The following ZEB1 variants were observed in gnomAD, a reference collection of about 807,000 sequenced individuals.
ZEB1 encodes zinc finger E-box-binding homeobox 1.
In ZEB1, 21 loss-of-function variants were observed where a neutral mutation model predicts 84.9. The ratio of observed to expected loss-of-function variants is 0.25; its 90% confidence interval spans 0.18 to 0.36. The LOEUF is 0.36. Ranked by LOEUF, ZEB1 falls within the 10% of genes least tolerant of loss-of-function variation. The pLI, the probability that ZEB1 is intolerant of heterozygous loss-of-function variation, is 1.00. For synonymous variants in ZEB1, 420 were observed against 471.1 expected (o/e 0.89, Z 1.41); for missense variants, 1,104 against 1,330.2 (o/e 0.83, Z 2.65).
At chr10:31,473,705 A>C (rs1246120162) in intron 2 of ZEB1, among the ~76,000 whole-genome samples, 1 of 149,866 alleles carries the variant, frequency 6.7e-6, no homozygotes, top group African/African-American at 2.5e-5. Flanking sequence ...ATTGGAAAAA[A>C]CTACTTTAAA....
chr10:31,426,929 C>A (rs1214185105), intron 1 of ZEB1, among the ~76,000 whole-genome samples: 2 of 151,436 alleles, frequency 1.3e-5, no homozygotes, highest in Admixed American at 1.3e-4. Flanking sequence ...GAATTGTATA[C>A]CTCTTCCCAT....
chr10:31,392,409 G>A (rs1354680015), intron 1 of ZEB1, among the ~76,000 whole-genome samples: 1 of 152,086 alleles, frequency 6.6e-6, no homozygotes, highest in African/African-American at 2.4e-5. Flanking sequence ...GACAGTTTTA[G>A]GTTCTGAACC....
chr10:31,390,851 C>G (rs1272265135), intron 1 of ZEB1, among the ~76,000 whole-genome samples: 3 of 152,158 alleles, frequency 2.0e-5, no homozygotes, highest in African/African-American at 7.2e-5. Context: ...AGAGGAACAT[C>G]TTTCCGTTTT....
chr10:31,339,364 TGAGA>T (rs372457278), intron 1 of ZEB1, among the ~76,000 whole-genome samples: 10 of 152,202 alleles, frequency 6.6e-5, no homozygotes, highest in Admixed American at 2.6e-4. Flanking sequence ...GAGAATCTTC[TGAGA>T]GAGAGTATTT....
At chr10:31,353,723 G>A (rs1357063963) in intron 1 of ZEB1, among the ~76,000 whole-genome samples, 1 of 152,132 alleles carries the variant, frequency 6.6e-6, no homozygotes, top group Non-Finnish European at 1.5e-5. Flanking sequence ...ACAGTCAAAG[G>A]TTTGATTATG....
Position 31,521,009 on chromosome 10 carries a change from T to G in ZEB1, c.1677T>G (p.Pro559=), listed in dbSNP as rs1238774349. The change falls in exon 7 of 9, where the codon CCT becomes CCG. Residue 559 remains proline, a synonymous_variant. Transcript: ENST00000424869. Reference sequence around the variant, plus strand: ...ATGACCTAAAGCAGCCTACTCAGCCTCCTCCACTCCCTGCAGCAGAAGCTG... The same window carrying G: ...ATGACCTAAAGCAGCCTACTCAGCCGCCTCCACTCCCTGCAGCAGAAGCTG... ...KHYDLKQPTQ[P]PPLPAAEAEK... 6.2e-7 allele frequency: 1 copy of G among 1,614,062 alleles called. No homozygotes were observed. Among genetic ancestry groups the G allele is most frequent in the South Asian group, 1.1e-5 (1 of 91,078 alleles).
At chr10:31,405,495 T>A (rs1444302455) in intron 1 of ZEB1, among the ~76,000 whole-genome samples, 1 of 152,182 alleles carries the variant, frequency 6.6e-6, no homozygotes, top group Non-Finnish European at 1.5e-5. Context: ...TATTTAGTAA[T>A]TATTCTTTCC....
chr10:31,450,860 A>T (rs946495752), intron 1 of ZEB1, among the ~76,000 whole-genome samples: 9 of 144,074 alleles, frequency 6.2e-5, no homozygotes, highest in African/African-American at 2.4e-4. Flanking sequence ...TGCATATTTT[A>T]TTTAGGACTG....
intron 2 of ZEB1, among the ~76,000 whole-genome samples, chr10:31,472,762 G>T (rs999153881): frequency 1.1e-4 from 16 of 140,060 alleles, no homozygotes; most frequent in Non-Finnish European, 2.0e-4. Context: ...CCAAAAAAGA[G>T]AATTTTAGAC....
chr10:31,467,023 C>T (rs2062519572), intron 2 of ZEB1, among the ~76,000 whole-genome samples: 2 of 152,088 alleles, frequency 1.3e-5, no homozygotes, highest in South Asian at 4.2e-4. Flanking sequence ...TGAGAGAAAA[C>T]ACTGAAATTT....
At chr10:31,438,744 A>G (rs1004753933) in intron 1 of ZEB1, among the ~76,000 whole-genome samples, 3 of 152,210 alleles carry the variant, frequency 2.0e-5, no homozygotes, top group Non-Finnish European at 4.4e-5. Flanking sequence ...TTGACAGACT[A>G]AGGCACAGAG....
intron 2 of ZEB1, among the ~76,000 whole-genome samples, chr10:31,478,380 G>C (rs1240622403): frequency 6.6e-6 from 1 of 151,830 alleles, no homozygotes. Flanking sequence ...GCAGAGAGAA[G>C]GGTATTCTTA....
chr10:31,459,718 A>G (rs1347825868), intron 1 of ZEB1, among the ~76,000 whole-genome samples: 1 of 151,924 alleles, frequency 6.6e-6, no homozygotes, highest in Non-Finnish European at 1.5e-5. Flanking sequence ...ACTCTTTTGG[A>G]CAAGAGTCTT....
intron 1 of ZEB1, among the ~76,000 whole-genome samples, chr10:31,388,206 G>A (rs1277818896): frequency 6.6e-6 from 1 of 152,250 alleles, no homozygotes; most frequent in Non-Finnish European, 1.5e-5. Flanking sequence ...TAAATGTCTA[G>A]TAAAACATTT....
intron 1 of ZEB1, among the ~76,000 whole-genome samples, chr10:31,425,994 C>G (rs930365858): frequency 2.0e-5 from 3 of 152,074 alleles, no homozygotes; most frequent in Non-Finnish European, 4.4e-5. Context: ...TTTGGAGTAC[C>G]ATGGTACTTT....
At position 31,521,414 on chromosome 10, in the gene ZEB1, A is replaced by T. The variant is rs75229306; in HGVS notation, c.2082A>T (p.Ser694=). The change falls in exon 7 of 9, where the codon TCA becomes TCT. Residue 694 remains serine (S), a synonymous_variant. Transcript: ENST00000424869. ...ACTCCCCAGTTTTACCAGTGGGATC[A>T]ACCACCAATGGTTCCAGAAGTAGTA... ...MTNSPVLPVG[S]TTNGSRSSTP... is the part of the protein sequence containing the mutation. 883 of 1,614,124 alleles carry T rather than the reference A, an allele frequency of 5.5e-4. 5 individuals are homozygous for T. The East Asian group carries it at 0.019, about 35-fold the overall frequency.
chr10:31,416,181 G>A (rs907015011), intron 1 of ZEB1, among the ~76,000 whole-genome samples: 3 of 151,832 alleles, frequency 2.0e-5, no homozygotes, highest in South Asian at 2.1e-4. Flanking sequence ...AAAGACTATC[G>A]TGACTATTTT....
At chr10:31,486,697 G>A (rs776126114) in intron 2 of ZEB1, among the ~76,000 whole-genome samples, 1 of 150,948 alleles carries the variant, frequency 6.6e-6, no homozygotes, top group Non-Finnish European at 1.5e-5. Context: ...AATTTTGAGA[G>A]TTCTTTAGAG....
intron 1 of ZEB1, among the ~76,000 whole-genome samples, chr10:31,438,627 G>A (rs2058546184): frequency 6.6e-6 from 1 of 152,170 alleles, no homozygotes; most frequent in Non-Finnish European, 1.5e-5. Context: ...CTTGAGGCCA[G>A]GGGCTCAAGA....
Sources: allele counts gnomAD v4.1 joint callset (sites outside exome capture counted in the v4.1 genomes callset), GRCh38; gene constraint gnomAD v4.1.1; transcripts MANE v1.5; gene names NCBI Gene and HGNC (gene_info 2026-07-23, HGNC 2026-07-21).